The following BMPER variants were observed in gnomAD, a reference collection of about 807,000 sequenced individuals.
BMPER encodes BMP binding endothelial regulator.
Under a neutral mutation model 87.3 loss-of-function variants are expected in BMPER, and 45 were observed. That is an observed-to-expected ratio of 0.52 (90% CI 0.41 to 0.66). The LOEUF is 0.66. Among genes scored for constraint, BMPER ranks in the 30% least tolerant of loss-of-function variants. The pLI is 0.00. For missense variants in BMPER, 784 were observed against 867.5 expected, an observed-to-expected ratio of 0.90 and a Z score of 1.21; for synonymous variants, 326 against 316.2, an observed-to-expected ratio of 1.03 and a Z score of -0.33.
chr7:34,141,666 A>G (rs1394094882), intron 13 of BMPER, among the ~76,000 whole-genome samples: 2 of 151,234 alleles, frequency 1.3e-5, no homozygotes, highest in Admixed American at 1.3e-4. Flanking sequence ...AGAAAGAAAG[A>G]TCTCTTTTTC....
At chr7:34,022,091 ATGAAAGGTGTACCAGTTGGG>A (rs1238877488) in intron 6 of BMPER, among the ~76,000 whole-genome samples, 16 of 152,158 alleles carry the variant, frequency 1.1e-4, no homozygotes, top group Admixed American at 2.0e-4. Context: ...TCTTGGCTTA[ATGAAAGGTGTACCAGTTGGG>A]TAGAAATTCC....
chr7:33,987,194 CT>C (rs1786034766), intron 6 of BMPER, among the ~76,000 whole-genome samples: 1 of 152,120 alleles, frequency 6.6e-6, no homozygotes, highest in African/African-American at 2.4e-5. Flanking sequence ...ATTCTGGCAC[CT>C]TTTAAATGTC....
At chr7:33,967,013 G>A (rs924666927) in intron 4 of BMPER, among the ~76,000 whole-genome samples, 9 of 152,090 alleles carry the variant, frequency 5.9e-5, no homozygotes, top group African/African-American at 1.9e-4. Context: ...ACTGTAACTC[G>A]ATGATTTCAA....
intron 13 of BMPER, among the ~76,000 whole-genome samples, chr7:34,141,998 G>C (rs1790887268): frequency 6.6e-6 from 1 of 152,200 alleles, no homozygotes; most frequent in Non-Finnish European, 1.5e-5. Flanking sequence ...ATAGTGTCCA[G>C]TGGCAGTGTC....
At chr7:33,912,393 C>T (rs903708403) in intron 2 of BMPER, among the ~76,000 whole-genome samples, 1 of 152,166 alleles carries the variant, frequency 6.6e-6, no homozygotes, top group East Asian at 1.9e-4. Flanking sequence ...ACTCAATGCT[C>T]CCCTTCCCCA....
chr7:33,983,580 AAAAC>A (rs566973434), intron 6 of BMPER, among the ~76,000 whole-genome samples: 130 of 152,208 alleles, frequency 8.5e-4, no homozygotes, highest in Middle Eastern at 3.4e-3. Context: ...TTTTTGTTTA[AAAAC>A]AAACAAACAA....
At chr7:33,928,612 T>C (rs1188637569) in intron 2 of BMPER, among the ~76,000 whole-genome samples, 1 of 148,294 alleles carries the variant, frequency 6.7e-6, no homozygotes, top group African/African-American at 2.5e-5. Flanking sequence ...CCTGTGTTTC[T>C]TTGTTCCGTG....
chr7:34,046,460 C>A, intron 7 of BMPER, 55 bp downstream of exon 7: 1 of 1,551,156 alleles, frequency 6.4e-7, no homozygotes, highest in Non-Finnish European at 8.9e-7. Context: ...AAAGTTTCTG[C>A]TGGGAGTGTT....
intron 6 of BMPER, among the ~76,000 whole-genome samples, chr7:33,980,695 A>C (rs563941820): frequency 6.6e-6 from 1 of 152,348 alleles, no homozygotes; most frequent in Non-Finnish European, 1.5e-5. Flanking sequence ...TGCTTTTAAA[A>C]GAGCAGCAAG....
At chr7:33,946,156 G>C (rs1297338798) in intron 3 of BMPER, among the ~76,000 whole-genome samples, 1 of 152,180 alleles carries the variant, frequency 6.6e-6, no homozygotes, top group Non-Finnish European at 1.5e-5. Flanking sequence ...GAGAATGAGA[G>C]CCAGCAGGGG....
intron 2 of BMPER, among the ~76,000 whole-genome samples, chr7:33,911,034 A>T (rs1783948585): frequency 6.6e-6 from 1 of 152,234 alleles, no homozygotes; most frequent in African/African-American, 2.4e-5. Flanking sequence ...AGTAGACCAG[A>T]TGTGTTCAGA....
intron 6 of BMPER, among the ~76,000 whole-genome samples, chr7:34,014,415 A>G (rs1172269588): frequency 6.6e-6 from 1 of 151,964 alleles, no homozygotes; most frequent in Non-Finnish European, 1.5e-5. Flanking sequence ...GAGGAGAGAT[A>G]TCCTTCAAAC....
intron 6 of BMPER, among the ~76,000 whole-genome samples, chr7:34,000,483 G>T (rs534033116): frequency 8.4e-4 from 128 of 152,020 alleles, no homozygotes; most frequent in African/African-American, 2.9e-3. Flanking sequence ...TAAAAGAAAA[G>T]AAAAATATTT....
chr7:33,939,203 G>T (rs1406426299), intron 3 of BMPER, among the ~76,000 whole-genome samples: 1 of 152,144 alleles, frequency 6.6e-6, no homozygotes, highest in African/African-American at 2.4e-5. Flanking sequence ...TCATGCAGAA[G>T]GGTGCTTTCT....
At chr7:34,029,786 G>C (rs559154946) in intron 6 of BMPER, among the ~76,000 whole-genome samples, 118 of 152,184 alleles carry the variant, frequency 7.8e-4, no homozygotes, top group African/African-American at 2.7e-3. Flanking sequence ...CCTCAGGATA[G>C]CCTACAAATA....
chr7:34,004,292 A>G (rs1339938941), intron 6 of BMPER, among the ~76,000 whole-genome samples: 2 of 151,956 alleles, frequency 1.3e-5, no homozygotes, highest in Non-Finnish European at 2.9e-5. Context: ...AGTGATTGTT[A>G]TACTTTTATT....
intron 13 of BMPER, among the ~76,000 whole-genome samples, chr7:34,140,025 T>C (rs921491854): frequency 1.3e-5 from 2 of 152,188 alleles, no homozygotes; most frequent in African/African-American, 2.4e-5. Flanking sequence ...TCTAGAAAGA[T>C]CGAATGTAGT....
chr7:34,065,873 C>T (rs1788576064), intron 11 of BMPER, among the ~76,000 whole-genome samples: 1 of 152,208 alleles, frequency 6.6e-6, no homozygotes, highest in South Asian at 2.1e-4. Context: ...CTACTTCCAG[C>T]CCTTCTCTGA....
At chr7:34,061,456 A>G (rs979494968) in intron 10 of BMPER, among the ~76,000 whole-genome samples, 2 of 152,226 alleles carry the variant, frequency 1.3e-5, no homozygotes, top group Non-Finnish European at 2.9e-5. Context: ...AACATGGATA[A>G]CATACCATTT....
Sources: gnomAD v4.1 joint callset for allele counts (sites outside exome capture counted in the v4.1 genomes callset) on GRCh38, gnomAD v4.1.1 for gene constraint, MANE v1.5 for transcripts, NCBI Gene and HGNC (gene_info 2026-07-23, HGNC 2026-07-21) for gene names.